The following PPP4R2 variants were observed in gnomAD, a reference collection of about 807,000 sequenced individuals.
PPP4R2 encodes protein phosphatase 4 regulatory subunit 2, also known as serine/threonine-protein phosphatase 4 regulatory subunit 2.
In PPP4R2, 13 loss-of-function variants were observed where a neutral mutation model predicts 47.2. That is an observed-to-expected ratio of 0.28 (90% CI 0.18 to 0.44). PPP4R2 has a LOEUF of 0.44. PPP4R2 is among the 20% of genes least tolerant of loss of function. PPP4R2 has a pLI of 1.00. For missense variants in PPP4R2, 421 were observed against 491.2 expected (o/e 0.86, Z 1.35); for synonymous variants, 151 against 163.3 (o/e 0.92, Z 0.57).
chr3:73,010,887 G>A lies in PPP4R2; in HGVS notation c.116+12729G>A, dbSNP rs1479982073. 1.3e-5 allele frequency among the ~76,000 whole-genome samples: 2 copies of A among 152,206 alleles called. 1 individual carries two copies. The highest frequency in any genetic ancestry group is 6.8e-3 in the Middle Eastern group (2 of 294). ...AATATTTAATGAACATTTATTTTGT[G>A]TCAGACATTATCAAATATTTCATAT... On this transcript the variant is annotated intron_variant, in intron 2 of 8. Coordinates refer to ENST00000356692, the MANE Select transcript of PPP4R2 (RefSeq NM_174907.4).
At chr3:73,039,285 G>C (rs1394371615) in intron 2 of PPP4R2, among the ~76,000 whole-genome samples, 2 of 152,112 alleles carry the variant, frequency 1.3e-5, no homozygotes, top group Admixed American at 6.6e-5. Flanking sequence ...CACCATGCCA[G>C]CTCATTTTTG....
chr3:73,015,778 C>T (rs1158133091), intron 2 of PPP4R2: 2 of 442,608 alleles, frequency 4.5e-6, no homozygotes, highest in East Asian at 7.9e-5. Flanking sequence ...GCTGGGACTA[C>T]AGGCTCCCGC....
chr3:73,002,634 C>CTTTTTTT (rs1173734970), intron 2 of PPP4R2, among the ~76,000 whole-genome samples: 26 of 41,164 alleles, frequency 6.3e-4, no homozygotes, highest in African/African-American at 1.4e-3. Flanking sequence ...CTTTTCTTTT[C>CTTTTTTT]TTTTTTTTTT....
chr3:73,057,476 A>G lies in PPP4R2; in HGVS notation c.288-1561A>G, dbSNP rs1480083114. On this transcript the variant is annotated intron_variant, in intron 3 of 8. Coordinates refer to ENST00000356692, the MANE Select transcript of PPP4R2 (RefSeq NM_174907.4). The stretch of plus-strand genomic sequence containing the variant: ...TTCTAGTTGCTTCTGAATGTTTGGA[A>G]TATCAGGCAAACATTTAATCTTTTA... 2.6e-5 allele frequency among the ~76,000 whole-genome samples: 4 copies of G among 152,134 alleles called. No individual in the cohort carries two copies. The East Asian group carries it at 7.7e-4, about 29-fold the overall frequency.
Position 73,044,048 on chromosome 3 carries a change from A to G in PPP4R2, c.117-3138A>G, listed in dbSNP as rs920440200. Reference sequence around the variant, plus strand: ...TGCATAATGCCATCAAGCTTAATCCATGTCAGAATTTCTTTCAGATTAAAG... The same window carrying G: ...TGCATAATGCCATCAAGCTTAATCCGTGTCAGAATTTCTTTCAGATTAAAG... On this transcript the variant is annotated intron_variant, in intron 2 of 8. Coordinates refer to ENST00000356692, the MANE Select transcript of PPP4R2 (RefSeq NM_174907.4). 5.3e-5 allele frequency among the ~76,000 whole-genome samples: 8 copies of G among 152,188 alleles called. No homozygotes were observed. The East Asian group carries it at 9.7e-4, about 18-fold the overall frequency.
intron 2 of PPP4R2, among the ~76,000 whole-genome samples, chr3:73,045,026 C>T (rs1559561765): frequency 6.6e-6 from 1 of 152,140 alleles, no homozygotes; most frequent in African/African-American, 2.4e-5. Flanking sequence ...CAGGGTCTTG[C>T]TCTGTCGCTC....
chr3:73,054,376 A>G (rs1200089986), intron 3 of PPP4R2, among the ~76,000 whole-genome samples: 3 of 152,246 alleles, frequency 2.0e-5, no homozygotes, highest in Non-Finnish European at 4.4e-5. Flanking sequence ...TACTGCTTCA[A>G]GTAAAGCTAG....
intron 3 of PPP4R2, among the ~76,000 whole-genome samples, chr3:73,055,338 C>G (rs1238262701): frequency 2.6e-5 from 4 of 151,824 alleles, no homozygotes; most frequent in African/African-American, 9.7e-5. Flanking sequence ...TTGTAGAACC[C>G]TTGTTTTCAG....
chr3:73,035,559 A>G lies in PPP4R2; in HGVS notation c.117-11627A>G, dbSNP rs574674095. ...AATAGGTCTACCATCTGACCTAGCA[A>G]TCCCCACTGCTGGATAAATGTCCAA... On this transcript the variant is annotated intron_variant, in intron 2 of 8. Transcript: ENST00000356692. Among the ~76,000 whole-genome samples, 55 of 152,294 alleles carry G rather than the reference A, an allele frequency of 3.6e-4. No homozygotes were observed. The South Asian group carries it at 0.011, about 30-fold the overall frequency.
chr3:73,062,550 A>G, intron 5 of PPP4R2: 1 of 1,613,976 alleles, frequency 6.2e-7, no homozygotes, highest in East Asian at 2.2e-5. Flanking sequence ...TGGGAATGAG[A>G]ACGAGGAAAG....
intron 2 of PPP4R2, among the ~76,000 whole-genome samples, chr3:73,002,426 T>G (rs1320970807): frequency 6.6e-6 from 1 of 151,878 alleles, no homozygotes; most frequent in Non-Finnish European, 1.5e-5. Flanking sequence ...CTGGCTAATT[T>G]ATAATTTTTT....
In PPP4R2 at chr3:73,042,490, G is replaced by A. The variant is rs796139810; in HGVS notation, c.117-4696G>A. Among the ~76,000 whole-genome samples the A allele has an allele frequency of 6.8e-4, 101 of 149,490 alleles. 1 individual carries two copies. The highest frequency in any genetic ancestry group is 2.4e-3 in the African/African-American group (98 of 40,556). On this transcript the variant is annotated intron_variant, in intron 2 of 8. Transcript: ENST00000356692. Reference sequence around the variant, plus strand: ...AACAATTCTCCTGTCTCAGCCTCCCGAGTAGCTGGGAATACAGGTTTGTGC... The same window carrying A: ...AACAATTCTCCTGTCTCAGCCTCCCAAGTAGCTGGGAATACAGGTTTGTGC...
chr3:72,998,578 C>T (rs533965736), intron 2 of PPP4R2, among the ~76,000 whole-genome samples: 5 of 151,928 alleles, frequency 3.3e-5, no homozygotes, highest in African/African-American at 1.2e-4. Context: ...TTTTTTTGGT[C>T]ATATTTGCAT....
chr3:73,019,662 C>G (rs1701920322), intron 2 of PPP4R2, among the ~76,000 whole-genome samples: 1 of 152,208 alleles, frequency 6.6e-6, no homozygotes, highest in South Asian at 2.1e-4. Flanking sequence ...GTGTGAGCAA[C>G]CATGCCCGGC....
At chr3:73,022,568 G>C (rs1350831378) in intron 2 of PPP4R2, among the ~76,000 whole-genome samples, 1 of 152,086 alleles carries the variant, frequency 6.6e-6, no homozygotes, top group African/African-American at 2.4e-5. Context: ...AATTTTTTCT[G>C]TTACATATGT....
intron 2 of PPP4R2, among the ~76,000 whole-genome samples, chr3:73,015,365 CAG>C (rs1701804161): frequency 1.3e-5 from 2 of 151,732 alleles, no homozygotes; most frequent in African/African-American, 4.8e-5. Context: ...TTAGTAGAGA[CAG>C]GGTTTTGCCA....
chr3:73,034,199 C>T (rs962763999), intron 2 of PPP4R2, among the ~76,000 whole-genome samples: 4 of 152,132 alleles, frequency 2.6e-5, no homozygotes, highest in Non-Finnish European at 5.9e-5. Context: ...ACTACTATTA[C>T]AGTTTTCTGA....
intron 2 of PPP4R2, among the ~76,000 whole-genome samples, chr3:73,035,293 G>A (rs1208266279): frequency 3.9e-5 from 6 of 152,096 alleles, no homozygotes; most frequent in African/African-American, 9.7e-5. Context: ...CCAGCTACTC[G>A]GGAAGCTGAG....
intron 2 of PPP4R2, among the ~76,000 whole-genome samples, chr3:73,015,201 A>C (rs957806818): frequency 6.6e-6 from 1 of 152,178 alleles, no homozygotes; most frequent in African/African-American, 2.4e-5. Context: ...TTTTTTTGAG[A>C]CAGAGTCTCT....
Sources: gnomAD v4.1 joint callset for allele counts (sites outside exome capture counted in the v4.1 genomes callset) on GRCh38, gnomAD v4.1.1 for gene constraint, MANE v1.5 for transcripts, NCBI Gene and HGNC (gene_info 2026-07-23, HGNC 2026-07-21) for gene names.